The following LSP1 variants were observed in gnomAD, a reference collection of about 807,000 sequenced individuals.
The protein encoded by LSP1 is lymphocyte specific protein 1.
LSP1 carries 32 observed loss-of-function variants against 49.3 expected under a neutral mutation model. That is an observed-to-expected ratio of 0.65 (90% confidence interval 0.49 to 0.87). LSP1 has a LOEUF of 0.87. Among genes scored for constraint, LSP1 ranks in the 40% least tolerant of loss-of-function variants. The pLI, the probability that LSP1 is intolerant of heterozygous loss-of-function variation, is 0.00. For synonymous variants in LSP1, 179 were observed against 178.8 expected (o/e 1.00, Z -0.01); for missense variants, 428 against 442.6 (o/e 0.97, Z 0.30).
At chr11:1,869,511 T>C (rs1430178767) in intron 1 of LSP1, 2 of 401,518 alleles carry the variant, frequency 5.0e-6, no homozygotes, top group Admixed American at 2.8e-5. Flanking sequence ...GGGGCTGAGG[T>C]GCGAATGGAA....
At chr11:1,878,994 A>G (rs536902448) in intron 1 of LSP1, among the ~76,000 whole-genome samples, 1 of 152,210 alleles carries the variant, frequency 6.6e-6, no homozygotes, top group East Asian at 1.9e-4. Flanking sequence ...CCAAGAAGCC[A>G]TGGTTTCAGG....
intron 1 of LSP1, among the ~76,000 whole-genome samples, chr11:1,857,100 A>T (rs1847508167): frequency 6.6e-6 from 1 of 152,146 alleles, no homozygotes; most frequent in African/African-American, 2.4e-5. Context: ...GAAGTTTCCC[A>T]GGGAAGCAGA....
rs562281735 is a variant in LSP1, at chr11:1,878,684, A to T, written c.54-1403A>T. Among the ~76,000 whole-genome samples the T allele has an allele frequency of 6.0e-4, 92 of 152,240 alleles. 1 individual carries two copies. The highest frequency in any genetic ancestry group is 2.2e-3 in the African/African-American group (90 of 41,524). ...TGGGGCCCAGTGGGGATCAGGCTGC[A>T]GGGTCAGGCAGCGGCCACTGGCCGG... On this transcript the variant is annotated intron_variant, in intron 1 of 10. Transcript: ENST00000311604.
chr11:1,867,587 C>A (rs905666357), intron 1 of LSP1, among the ~76,000 whole-genome samples: 3 of 152,040 alleles, frequency 2.0e-5, no homozygotes, highest in Non-Finnish European at 4.4e-5. Flanking sequence ...AGCCCGGGTC[C>A]CTGGGTCCCT....
intron 1 of LSP1, among the ~76,000 whole-genome samples, chr11:1,873,292 T>C (rs2133088699): frequency 6.6e-6 from 1 of 152,014 alleles, no homozygotes; most frequent in Admixed American, 6.5e-5. Flanking sequence ...CCCTGCCCAC[T>C]GCGGCGACCC....
intron 1 of LSP1, among the ~76,000 whole-genome samples, chr11:1,855,978 T>C (rs1378580699): frequency 1.3e-5 from 2 of 152,210 alleles, no homozygotes; most frequent in East Asian, 3.9e-4. Flanking sequence ...CATATCCAGA[T>C]GTTGGAGCCC....
chr11:1,870,375 C>A, intron 1 of LSP1: 1 of 1,255,268 alleles, frequency 8.0e-7, no homozygotes, highest in South Asian at 1.3e-5. Flanking sequence ...AAAGAAGTGC[C>A]GGCCCAGGGG....
In LSP1 at chr11:1,887,411, C is replaced by T. The variant is rs144344717; in HGVS notation, c.931-63C>T. The T allele has an allele frequency of 8.0e-3, 12,649 of 1,574,880 alleles. 78 individuals carry two copies. Among genetic ancestry groups the T allele is most frequent in the Non-Finnish European group, 1.0e-2 (11,423 of 1,145,216 alleles). The stretch of plus-strand genomic sequence containing the variant: ...TGCATCTGGGAGGGCTTCCCAGAGG[C>T]GGAGGCAGCATCATCTCCTTTCTGC... On this transcript the variant is annotated intron_variant, in intron 9 of 10. Transcript: ENST00000311604.
chr11:1,876,731 G>A, intron 1 of LSP1: 1 of 764,006 alleles, frequency 1.3e-6, no homozygotes, highest in Non-Finnish European at 1.6e-6. Context: ...GTGGGGGTTT[G>A]TGGAGGAAGG....
In LSP1 at chr11:1,884,083, G is replaced by A. The variant is rs1848658007; in HGVS notation, c.591+59G>A. On this transcript the variant is annotated intron_variant, in intron 5 of 10. Coordinates refer to ENST00000311604, the MANE Select transcript of LSP1 (RefSeq NM_002339.3). This position sits in a 1 kb window ranked among gnomAD's most constrained non-coding sequence, Gnocchi z 4.1. ...CCTCTCCCGTACTCATACCCAAAAG[G>A]CCAATCCCACATGCCAGCCACAGGA... The A allele has an allele frequency of 6.5e-7, 1 of 1,538,816 alleles. No individual in the cohort carries two copies. Among genetic ancestry groups the A allele is most frequent in the Admixed American group, 1.8e-5 (1 of 54,148 alleles).
intron 2 of LSP1, chr11:1,881,210 A>C: frequency 2.0e-6 from 1 of 509,992 alleles, no homozygotes; most frequent in Non-Finnish European, 3.5e-6. Flanking sequence ...GGACTGATGG[A>C]GGAAGCACAG....
chr11:1,866,800 C>A, intron 1 of LSP1: 1 of 1,550,354 alleles, frequency 6.5e-7, no homozygotes, highest in Non-Finnish European at 8.7e-7. Context: ...AAGTGCAGCC[C>A]CCGGAGGAGG....
intron 1 of LSP1, 42 bp from the exon 2 acceptor site, chr11:1,880,045 G>A (rs762600280): frequency 1.2e-6 from 2 of 1,603,226 alleles, no homozygotes; most frequent in African/African-American, 1.3e-5. Context: ...AACAGCACCT[G>A]TGTCGGCTGT....
chr11:1,854,536 TC>T (rs1219074502), intron 1 of LSP1, among the ~76,000 whole-genome samples: 1 of 152,178 alleles, frequency 6.6e-6, no homozygotes, highest in Non-Finnish European at 1.5e-5. Flanking sequence ...ATCTCTGACT[TC>T]TTGCTGCCAA....
chr11:1,870,399 G>A, intron 1 of LSP1: 6 of 1,233,686 alleles, frequency 4.9e-6, no homozygotes, highest in Non-Finnish European at 6.3e-6. Flanking sequence ...ACTCTTTTCT[G>A]CTCTGCCATG....
intron 1 of LSP1, chr11:1,865,245 G>A (rs1847748540): frequency 1.5e-5 from 15 of 985,442 alleles, no homozygotes; most frequent in Non-Finnish European, 1.7e-5. Flanking sequence ...AGCAGACAGG[G>A]CCTGGATACC....
intron 8 of LSP1, 49 bp from the exon 9 acceptor site, chr11:1,887,188 C>T (rs1848789010): frequency 7.2e-7 from 1 of 1,391,610 alleles, no homozygotes; most frequent in African/African-American, 1.4e-5. Context: ...CTTCTACTCC[C>T]CAAGATCCAG....
intron 1 of LSP1, chr11:1,871,527 A>G (rs1440073184): frequency 3.4e-5 from 32 of 948,062 alleles, no homozygotes; most frequent in Non-Finnish European, 3.9e-5. Context: ...ATGGGAAGCC[A>G]GGGGTAGAGG....
At chr11:1,855,693 G>C (rs1031545320) in intron 1 of LSP1, among the ~76,000 whole-genome samples, 11 of 152,192 alleles carry the variant, frequency 7.2e-5, no homozygotes, top group African/African-American at 1.7e-4. Flanking sequence ...TCCTCCACTC[G>C]GGGGCACTCC....
Sources: allele counts gnomAD v4.1 joint callset (sites outside exome capture counted in the v4.1 genomes callset), GRCh38; gene constraint gnomAD v4.1.1; non-coding constraint Gnocchi (gnomAD v3.1); transcripts MANE v1.5; gene names NCBI Gene and HGNC (gene_info 2026-07-23, HGNC 2026-07-21).